Variants in RGP1 observed in about 807,000 individuals in gnomAD.
RGP1 encodes the protein RGP1 partner of RAB6A GEF complex, also known as RAB6A-GEF complex partner protein 2.
A neutral mutation model predicts 44.5 loss-of-function variants in RGP1; 28 were observed. The observed-to-expected ratio is 0.63, with a 90% CI of 0.47 to 0.86. The LOEUF (loss-of-function observed/expected upper bound fraction) is 0.86, where lower values mean the gene tolerates loss of function less well. Ranked by LOEUF, RGP1 falls within the 40% of genes least tolerant of loss-of-function variation. The pLI is 0.00. For synonymous variants in RGP1, 212 were observed against 196.7 expected (o/e 1.08, Z -0.65); for missense variants, 417 against 490.7 (o/e 0.85, Z 1.42).
chr9:35,775,910 A>G, the RGP1 span, among the ~76,000 whole-genome samples: 3 of 152,228 alleles, frequency 2.0e-5, no homozygotes, highest in Non-Finnish European at 4.4e-5. Context: ...TTTACAATAT[A>G]CAAGGTGCTT....
the RGP1 span, among the ~76,000 whole-genome samples, chr9:35,767,406 T>G: frequency 6.6e-6 from 1 of 151,786 alleles, no homozygotes; most frequent in Non-Finnish European, 1.5e-5. Context: ...CATGTGTTCC[T>G]TAAAATGAGT....
the RGP1 span, among the ~76,000 whole-genome samples, chr9:35,789,750 T>A: frequency 6.6e-6 from 1 of 152,194 alleles, no homozygotes. Context: ...TATTATATTG[T>A]AAGCACAGCT....
At chr9:35,787,096 T>C in the RGP1 span, among the ~76,000 whole-genome samples, 1 of 135,918 alleles carries the variant, frequency 7.4e-6, no homozygotes, top group South Asian at 2.3e-4. Context: ...TAAGACTCTG[T>C]CAAAAAAAAA....
Position 35,752,010 on chromosome 9 carries a change from C to A in RGP1, c.817C>A (p.Arg273Ser). ...TGTACAGCCTGAGTACCAGCGGCGA[C>A]GTGGGGCAGGGGGTGTCCCCTCTGT... ...ERVQPEYQRR[R>S]GAGGVPSVSH... is the part of the protein sequence containing the mutation. Residue 273 changes from arginine (R) to serine (S), a missense_variant, in exon 8 of 9, where the codon CGT becomes AGT. Coordinates refer to ENST00000378078, the MANE Select transcript of RGP1 (RefSeq NM_001080496.3). 2 of 1,605,482 alleles carry A rather than the reference C, an allele frequency of 1.2e-6. No individual in the cohort carries two copies. The highest frequency in any genetic ancestry group is 2.2e-5 in the South Asian group (2 of 89,792).
At chr9:35,779,266 A>G in the RGP1 span, among the ~76,000 whole-genome samples, 1 of 152,184 alleles carries the variant, frequency 6.6e-6, no homozygotes, top group Non-Finnish European at 1.5e-5. Context: ...AAGATAAAAG[A>G]TGACTGAAGG....
chr9:35,763,509 T>C (rs1296398430), downstream of RGP1, among the ~76,000 whole-genome samples: 6 of 152,164 alleles, frequency 3.9e-5, no homozygotes, highest in African/African-American at 9.7e-5. Flanking sequence ...CATAATAATA[T>C]GAATAATACA....
chr9:35,767,754 T>C, the RGP1 span, among the ~76,000 whole-genome samples: 1 of 152,196 alleles, frequency 6.6e-6, no homozygotes, highest in Non-Finnish European at 1.5e-5. Context: ...AGCCTGGACA[T>C]AGCCTGGTAA....
At chr9:35,766,050 A>G in the RGP1 span, among the ~76,000 whole-genome samples, 148 of 149,314 alleles carry the variant, frequency 9.9e-4, no homozygotes, top group Middle Eastern at 0.01. Flanking sequence ...AGCCAGGATG[A>G]TCTCGATCTG....
At chr9:35,763,278 C>T (rs373581482), downstream of RGP1, among the ~76,000 whole-genome samples, 4 of 152,178 alleles carry the variant, frequency 2.6e-5, no homozygotes, top group African/African-American at 9.7e-5. Flanking sequence ...TCAGGCTAAC[C>T]TTGTGTTAGC....
rs1827229037 is a variant in RGP1 at position 35,750,436 on chromosome 9, A to G, written c.253+57A>G. ...GGGTGCGGAGGGTGTGTGTGGAGGC[A>G]TTGTCACCCATGGGTGAAGTTGTTA... On this transcript the variant is annotated intron_variant, in intron 3 of 8. Transcript: ENST00000378078. 3 of 1,576,266 alleles carry G rather than the reference A, an allele frequency of 1.9e-6. No individual in the cohort carries two copies. In the South Asian group the frequency reaches 3.4e-5, roughly 18 times the overall value.
At chr9:35,767,326 T>C in the RGP1 span, among the ~76,000 whole-genome samples, 1 of 138,432 alleles carries the variant, frequency 7.2e-6, no homozygotes, top group Non-Finnish European at 1.6e-5. Flanking sequence ...TCATTAATAC[T>C]ACATTTAGAG....
Position 35,752,714 on chromosome 9 carries a change from T to C in RGP1, c.1016T>C (p.Leu339Pro), listed in dbSNP as rs1183429447. The C allele has an allele frequency of 1.2e-6, 2 of 1,613,762 alleles. No homozygotes were observed. The highest frequency in any genetic ancestry group is 1.7e-6 in the Non-Finnish European group (2 of 1,179,788). The change falls in exon 9 of 9, where the codon CTA becomes CCA. Residue 339 changes from leucine to proline, a missense_variant. Physicochemically the swap from Leu to Pro is moderately conservative, Grantham distance 98. Transcript: ENST00000378078. Reference sequence around the variant, plus strand: ...TCCCGAGAACCAGGATTGGTACTCCTACCCCCTGTGGAACAGCCCGAACCT... The same window carrying C: ...TCCCGAGAACCAGGATTGGTACTCCCACCCCCTGTGGAACAGCCCGAACCT... ...VTSREPGLVL[L>P]PPVEQPEPTT...
At chr9:35,775,602 A>G in the RGP1 span, among the ~76,000 whole-genome samples, 2 of 152,226 alleles carry the variant, frequency 1.3e-5, no homozygotes, top group African/African-American at 4.8e-5. Flanking sequence ...ACGCTTCCAC[A>G]TAAGCTTGCG....
chr9:35,783,828 A>G, the RGP1 span, among the ~76,000 whole-genome samples: 2 of 152,202 alleles, frequency 1.3e-5, no homozygotes, highest in African/African-American at 4.8e-5. Context: ...TTACTGGATA[A>G]TATGGTAGTT....
At position 35,755,333 on chromosome 9, in the gene RGP1, T is replaced by G. The variant is rs1257399159; in HGVS notation, c.*2459T>G. On this transcript the variant is annotated 3_prime_UTR_variant, in exon 9 of 9. Transcript: ENST00000378078. ...CAGTTGCTGTGATTGGGGCTAAAGC[T>G]CTGAGGCAAAATGGGCGACATTATT... 6.6e-6 allele frequency: 1 copy of G among 152,236 alleles called. No homozygotes were observed. The highest frequency in any genetic ancestry group is 1.5e-5 in the Non-Finnish European group (1 of 68,062). The allele number at this position is 152,236 out of a possible 1,614,324, so 9.4% of individuals were successfully genotyped here. A position where few individuals can be genotyped will look rare whatever the true frequency, so the allele number is the denominator to read the frequency against.
At chr9:35,763,321 A>G (rs948580121), downstream of RGP1, among the ~76,000 whole-genome samples, 1 of 152,194 alleles carries the variant, frequency 6.6e-6, no homozygotes, top group Non-Finnish European at 1.5e-5. Flanking sequence ...CAGCTGAATG[A>G]GAGCCTAAAT....
intron 8 of RGP1, 87 bp from the exon 9 acceptor site, chr9:35,752,564 T>G: frequency 8.7e-7 from 1 of 1,155,904 alleles, no homozygotes; most frequent in Non-Finnish European, 1.3e-6. Flanking sequence ...ACAGATTGTT[T>G]TCTTCTCATT....
the RGP1 span, among the ~76,000 whole-genome samples, chr9:35,785,231 G>T: frequency 6.6e-6 from 1 of 152,100 alleles, no homozygotes. Context: ...GGAAGTTCAG[G>T]GTCTGGAGAT....
At position 35,749,557 on chromosome 9, in the gene RGP1, C is replaced by A. The variant is rs1393196984; in HGVS notation, c.-20+149C>A. On this transcript the variant is annotated intron_variant, in intron 1 of 8. Coordinates refer to ENST00000378078, the MANE Select transcript of RGP1 (RefSeq NM_001080496.3). This position sits in a 1 kb window ranked among gnomAD's most constrained non-coding sequence, Gnocchi z 4.4. ...TAGGGCCCAGAGCGATGTCCTCCCC[C>A]TGGGCAGTACTGAGTCTTCAGTCGC... The A allele has an allele frequency of 1.5e-6, 1 of 678,878 alleles. No individual in the cohort carries two copies. The highest frequency in any genetic ancestry group is 1.6e-5 in the South Asian group (1 of 64,450). The allele number at this position is 678,878 out of a possible 1,614,324, so 42.1% of individuals were successfully genotyped here.
Sources: gnomAD v4.1 joint callset for allele counts (sites outside exome capture counted in the v4.1 genomes callset) on GRCh38, gnomAD v4.1.1 for gene constraint, Gnocchi (gnomAD v3.1) non-coding constraint, MANE v1.5 for transcripts, NCBI Gene and HGNC (gene_info 2026-07-23, HGNC 2026-07-21) for gene names.